OR6B1: variants seen among roughly 807,000 people sequenced by gnomAD.
The protein encoded by OR6B1 is olfactory receptor family 6 subfamily B member 1.
In OR6B1, 15 loss-of-function variants were observed where a neutral mutation model predicts 15.4. The observed-to-expected ratio is 0.97, with a 90% confidence interval of 0.65 to 1.50. The LOEUF is 1.50. Among genes scored for constraint, OR6B1 ranks in the 40% most tolerant of loss-of-function variants. The pLI is 0.00. For synonymous variants in OR6B1, 139 were observed against 144.9 expected (o/e 0.96, Z 0.29); for missense variants, 384 against 385.0 (o/e 1.00, Z 0.02).
chr7:144,003,207 A>C (rs1362279897), intron 1 of OR6B1, among the ~76,000 whole-genome samples: 1 of 152,126 alleles, frequency 6.6e-6, no homozygotes, highest in Non-Finnish European at 1.5e-5. Context: ...TCACTGCTCT[A>C]ATATGGGGGA....
rs200541258 is a variant in OR6B1, at chr7:144,004,360, C to A, written c.364C>A (p.Arg122=). Reference sequence around the variant, plus strand: ...GCTTCTGGCCGCCATGGCCTATGACCGGTATGTGGCCATCTGTCGCCCACT... The same window carrying A: ...GCTTCTGGCCGCCATGGCCTATGACAGGTATGTGGCCATCTGTCGCCCACT... ...CVLLAAMAYD[R]YVAICRPLHY... Residue 122 remains arginine (R), a synonymous_variant, in exon 2 of 2, where the codon CGG becomes AGG. Coordinates refer to ENST00000641698, the MANE Select transcript of OR6B1 (RefSeq NM_001005281.3). 3 of 1,614,184 alleles carry A rather than the reference C, an allele frequency of 1.9e-6. No homozygotes were observed. The highest frequency in any genetic ancestry group is 1.3e-5 in the African/African-American group (1 of 75,050).
At chr7:144,003,810 C>G (rs865799943) in intron 1 of OR6B1, 162 bp from the exon 2 acceptor site, 1 of 592,278 alleles carries the variant, frequency 1.7e-6, no homozygotes, top group East Asian at 2.8e-5. Flanking sequence ...CACACACACA[C>G]GGCTATGTGG....
chr7:144,002,881 A>C (rs1449355062), intron 1 of OR6B1, among the ~76,000 whole-genome samples: 1 of 152,018 alleles, frequency 6.6e-6, no homozygotes, highest in East Asian at 1.9e-4. Context: ...AGCTCCCTAC[A>C]ACCTCAGCCC....
chr7:144,006,906 C>T lies in OR6B1; in HGVS notation c.*1974C>T, dbSNP rs991779013. On this transcript the variant is annotated 3_prime_UTR_variant, in exon 2 of 2. Coordinates refer to ENST00000641698, the MANE Select transcript of OR6B1 (RefSeq NM_001005281.3). ...GGATCAACTACCATGATGGAAAAGA[C>T]ATTGATTGTTAAATATCTTGGGCAG... The T allele has an allele frequency of 6.6e-6, 1 of 152,136 alleles. No individual in the cohort carries two copies. The allele number at this position is 152,136 out of a possible 1,614,324, so 9.4% of individuals were successfully genotyped here. A position where few individuals can be genotyped will look rare whatever the true frequency, so the allele number is the denominator to read the frequency against.
At position 144,003,873 on chromosome 7, in the gene OR6B1, A is replaced by G. The variant is rs902078728; in HGVS notation, c.-25-99A>G. ...TACCCAGTTCATGGTCTGACCTGTAATATGTATTAATAAATGATAACTATT... is the reference window on the plus strand; with the variant it reads ...TACCCAGTTCATGGTCTGACCTGTAGTATGTATTAATAAATGATAACTATT... On this transcript the variant is annotated intron_variant, in intron 1 of 1. Coordinates refer to ENST00000641698, the MANE Select transcript of OR6B1 (RefSeq NM_001005281.3). The G allele has an allele frequency of 1.5e-5, 10 of 667,744 alleles. No homozygotes were observed. In the East Asian group the frequency reaches 2.7e-4, roughly 18 times the overall value. The allele number at this position is 667,744 out of a possible 1,614,324, so 41.4% of individuals were successfully genotyped here. A position where few individuals can be genotyped will look rare whatever the true frequency, so the allele number is the denominator to read the frequency against.
chr7:144,008,425 G>C lies in OR6B1; in HGVS notation c.*3493G>C, dbSNP rs1381948841. 6.6e-6 allele frequency: 1 copy of C among 152,272 alleles called. No homozygotes were observed. Among genetic ancestry groups the C allele is most frequent in the Non-Finnish European group, 1.5e-5 (1 of 68,126 alleles). The allele number at this position is 152,272 out of a possible 1,614,324, so 9.4% of individuals were successfully genotyped here. A position where few individuals can be genotyped will look rare whatever the true frequency, so the allele number is the denominator to read the frequency against. ...ATGGAGTCTTGTGTAGTATGTTTGA[G>C]GGACATTGAAGAGACTGAGCAGCCA... On this transcript the variant is annotated 3_prime_UTR_variant, in exon 2 of 2. Transcript: ENST00000641698.
At chr7:144,003,253 T>C (rs2050595923) in intron 1 of OR6B1, among the ~76,000 whole-genome samples, 4 of 152,198 alleles carry the variant, frequency 2.6e-5, no homozygotes. Context: ...TTAGTTTATA[T>C]AAAATTTCAT....
At chr7:144,001,060 C>A (rs918692260) in intron 1 of OR6B1, among the ~76,000 whole-genome samples, 1 of 152,166 alleles carries the variant, frequency 6.6e-6, no homozygotes, top group African/African-American at 2.4e-5. Context: ...AAATGTTCAT[C>A]AAATTCAAAT....
At position 144,004,258 on chromosome 7, in the gene OR6B1, G is replaced by A. The variant is rs148862996; in HGVS notation, c.262G>A (p.Val88Met). Residue 88 changes from valine (V) to methionine (M), a missense_variant, in exon 2 of 2, where the codon GTG becomes ATG. Transcript: ENST00000641698. ...VPKLLFSFWSVNNSISFTLCM... is the reference protein window; with the variant it reads ...VPKLLFSFWSMNNSISFTLCM... Reference sequence around the variant, plus strand: ...CAAGTTACTGTTTAGTTTTTGGTCTGTGAACAACAGCATCTCTTTCACACT... The same window carrying A: ...CAAGTTACTGTTTAGTTTTTGGTCTATGAACAACAGCATCTCTTTCACACT... 18 of 1,614,182 alleles carry A rather than the reference G, an allele frequency of 1.1e-5. No individual in the cohort carries two copies. Among genetic ancestry groups the A allele is most frequent in the Admixed American group, 1.7e-5 (1 of 60,014 alleles).
chr7:144,004,809 T>C lies in OR6B1; in HGVS notation c.813T>C (p.Ile271=), dbSNP rs1209257777. The C allele has an allele frequency of 6.2e-7, 1 of 1,613,992 alleles. No individual in the cohort carries two copies. Among genetic ancestry groups the C allele is most frequent in the African/African-American group, 1.3e-5 (1 of 75,064 alleles). ...TCCATGCCTTCAACATGAACAAAAT[T>C]ATTTCCATCTTCTATGCCATTGTCA... ...RVIHAFNMNK[I]ISIFYAIVTP... Residue 271 remains isoleucine, a synonymous_variant, in exon 2 of 2, where the codon ATT becomes ATC. Transcript: ENST00000641698.
Position 144,003,934 on chromosome 7 carries a change from G to A in OR6B1, c.-25-38G>A, listed in dbSNP as rs11979319. ...AAGACAAGTATGGAAAAATATAGCT[G>A]GGCCATGGAGTCTGATCAAATGATT... On this transcript the variant is annotated intron_variant, in intron 1 of 1. Transcript: ENST00000641698. 2.2e-3 allele frequency: 2,357 copies of A among 1,061,290 alleles called. 28 individuals are homozygous for A. The African/African-American group carries it at 0.034, about 15-fold the overall frequency. The allele number at this position is 1,061,290 out of a possible 1,614,324, so 65.7% of individuals were successfully genotyped here. A position where few individuals can be genotyped will look rare whatever the true frequency, so the allele number is the denominator to read the frequency against.
intron 1 of OR6B1, among the ~76,000 whole-genome samples, chr7:144,003,231 C>T (rs1480028113): frequency 6.6e-6 from 1 of 152,088 alleles, no homozygotes; most frequent in Non-Finnish European, 1.5e-5. Context: ...TCCCCTTTCA[C>T]GATTATTGCC....
chr7:144,003,385 C>T (rs1426098941), intron 1 of OR6B1, among the ~76,000 whole-genome samples: 1 of 152,096 alleles, frequency 6.6e-6, no homozygotes, highest in Admixed American at 6.5e-5. Context: ...CATAGCAAAT[C>T]GGTGGCAGAC....
Position 144,004,141 on chromosome 7 carries a change from G to T in OR6B1, c.145G>T (p.Val49Leu). The change falls in exon 2 of 2, where the codon GTG (valine) becomes TTG (leucine). Residue 49 changes from valine to leucine, a missense_variant. Transcript: ENST00000641698. ...TGAAAACGTGATCATCATCCTATTGGTGCTGCAAAATCGGCCACTGCACAA... is the reference window on the plus strand; with the variant it reads ...TGAAAACGTGATCATCATCCTATTGTTGCTGCAAAATCGGCCACTGCACAA... ...VAENVIIILL[V>L]LQNRPLHKPM... The T allele has an allele frequency of 6.2e-7, 1 of 1,614,090 alleles. No individual in the cohort carries two copies. Among genetic ancestry groups the T allele is most frequent in the Non-Finnish European group, 8.5e-7 (1 of 1,180,018 alleles).
chr7:144,008,764 TG>T lies in OR6B1; in HGVS notation c.*3833del, dbSNP rs1289664335. ...TGAGGCCTCCCCAACCATGTGGAACTGTAAGTCAATTAAACGTTTTTAAAGT... is the reference window on the plus strand; with the variant it reads ...TGAGGCCTCCCCAACCATGTGGAACTTAAGTCAATTAAACGTTTTTAAAGT... On this transcript the variant is annotated 3_prime_UTR_variant, in exon 2 of 2. Coordinates refer to ENST00000641698, the MANE Select transcript of OR6B1 (RefSeq NM_001005281.3). 2 of 152,370 alleles carry T rather than the reference TG, an allele frequency of 1.3e-5. No individual in the cohort carries two copies. The highest frequency in any genetic ancestry group is 2.9e-5 in the Non-Finnish European group (2 of 68,084). 9.4% of individuals were successfully genotyped at this position (152,370 alleles called of 1,614,324 possible).
intron 1 of OR6B1, among the ~76,000 whole-genome samples, chr7:144,002,120 C>A (rs1293636576): frequency 6.6e-6 from 1 of 152,162 alleles, no homozygotes; most frequent in African/African-American, 2.4e-5. Context: ...GTGTGTTTCA[C>A]TCTAGTGGTT....
At chr7:144,002,829 T>C (rs1442536674) in intron 1 of OR6B1, among the ~76,000 whole-genome samples, 3 of 152,062 alleles carry the variant, frequency 2.0e-5, no homozygotes, top group Non-Finnish European at 2.9e-5. Context: ...CTTGGCTCCT[T>C]TCCCATCCAT....
intron 1 of OR6B1, among the ~76,000 whole-genome samples, chr7:144,003,593 G>A (rs989919806): frequency 1.8e-4 from 28 of 152,184 alleles, no homozygotes; most frequent in Non-Finnish European, 3.5e-4. Context: ...GAGACAGGAA[G>A]GTCAGGTGTA....
chr7:144,004,296 A>T lies in OR6B1; in HGVS notation c.300A>T (p.Gln100His), dbSNP rs182442940. Reference protein sequence around the residue: ...NSISFTLCMIQLYFFIALMCT... With the variant: ...NSISFTLCMIHLYFFIALMCT... ...TCTCTTTCACACTCTGTATGATACAACTGTACTTCTTCATTGCTCTCATGT... is the reference window on the plus strand; with the variant it reads ...TCTCTTTCACACTCTGTATGATACATCTGTACTTCTTCATTGCTCTCATGT... The change falls in exon 2 of 2, where the codon CAA becomes CAT. Residue 100 changes from glutamine (Q) to histidine (H), a missense_variant. Gln to His is a conservative substitution (Grantham distance 24). Coordinates refer to ENST00000641698, the MANE Select transcript of OR6B1 (RefSeq NM_001005281.3). 2,130 of 1,614,130 alleles carry T rather than the reference A, an allele frequency of 1.3e-3. 10 individuals carry two copies. Among genetic ancestry groups the T allele is most frequent in the Middle Eastern group, 5.9e-3 (36 of 6,062 alleles).
Sources: gnomAD v4.1 joint callset for allele counts (sites outside exome capture counted in the v4.1 genomes callset) on GRCh38, gnomAD v4.1.1 for gene constraint, MANE v1.5 for transcripts, NCBI Gene and HGNC (gene_info 2026-07-23, HGNC 2026-07-21) for gene names.